Variants in MYO16 observed in about 807,000 individuals in gnomAD.
MYO16 encodes the protein myosin XVI.
A neutral mutation model predicts 205.3 loss-of-function variants in MYO16; 94 were observed. The ratio of observed to expected loss-of-function variants is 0.46; its 90% CI spans 0.39 to 0.54. The LOEUF (loss-of-function observed/expected upper bound fraction) is 0.54, where lower values mean the gene tolerates loss of function less well. Among genes scored for constraint, MYO16 ranks in the 20% least tolerant of loss-of-function variants. MYO16 has a pLI of 0.00. For synonymous variants in MYO16, 988 were observed against 954.0 expected, an observed-to-expected ratio of 1.04 and a Z score of -0.66; for missense variants, 2,315 against 2,387.5, an observed-to-expected ratio of 0.97 and a Z score of 0.63.
At chr13:108,636,845 G>C (rs1880275409) in intron 1 of MYO16, among the ~76,000 whole-genome samples, 1 of 152,120 alleles carries the variant, frequency 6.6e-6, no homozygotes. Flanking sequence ...TAATCTTTAT[G>C]ACACTGTATC....
chr13:108,518,805 T>C, the MYO16 span, among the ~76,000 whole-genome samples: 1,439 of 152,210 alleles, frequency 9.5e-3, 24 homozygotes, highest in African/African-American at 0.033. Context: ...ATTACCTCAT[T>C]AGGACAATTT....
At position 109,140,445 on chromosome 13, in the gene MYO16, C is replaced by T. The variant is rs1182829507; in HGVS notation, c.4233C>T (p.Pro1411=). 4 of 1,549,662 alleles carry T rather than the reference C, an allele frequency of 2.6e-6. No homozygotes were observed. Among genetic ancestry groups the T allele is most frequent in the East Asian group, 2.4e-5 (1 of 40,986 alleles). ...GGGCAGCAGCGCGCGTTCTGACCCC[C>T]GGGACTCCGCAGTGCGCGCTGCCCC... ...APGAAARVLT[P]GTPQCALPPA... is the part of the protein sequence containing the mutation. The change falls in exon 32 of 35, where the codon CCC becomes CCT. Residue 1411 remains proline, a synonymous_variant. Transcript: ENST00000457511. This position sits in a 1 kb window ranked among gnomAD's most constrained non-coding sequence, Gnocchi z 8.0.
chr13:108,901,285 C>T (rs1229676437), intron 15 of MYO16, among the ~76,000 whole-genome samples: 19 of 152,102 alleles, frequency 1.2e-4, no homozygotes, highest in Non-Finnish European at 2.1e-4. Flanking sequence ...CACTCCCTCC[C>T]CTTTTGAAAA....
At chr13:108,758,312 T>G (rs747698398) in intron 4 of MYO16, among the ~76,000 whole-genome samples, 2 of 152,234 alleles carry the variant, frequency 1.3e-5, no homozygotes, top group Non-Finnish European at 2.9e-5. Context: ...AATTTTTGTT[T>G]CCTATAAGTC....
chr13:109,041,751 CTT>C (rs1886890881), intron 23 of MYO16, among the ~76,000 whole-genome samples: 1 of 152,002 alleles, frequency 6.6e-6, no homozygotes, highest in Non-Finnish European at 1.5e-5. Context: ...CAAATCTAAA[CTT>C]ATTTCAAAAT....
chr13:109,169,527 C>T (rs910300536), intron 33 of MYO16, among the ~76,000 whole-genome samples: 1 of 151,522 alleles, frequency 6.6e-6, no homozygotes, highest in Non-Finnish European at 1.5e-5. Flanking sequence ...GAAAAGGGGA[C>T]ATCAATACAG....
At chr13:109,031,706 T>G (rs1430912300) in intron 23 of MYO16, among the ~76,000 whole-genome samples, 1 of 152,156 alleles carries the variant, frequency 6.6e-6, no homozygotes, top group Non-Finnish European at 1.5e-5. Context: ...CCTTAATATT[T>G]TGGGCTTATA....
intron 4 of MYO16, among the ~76,000 whole-genome samples, chr13:108,740,374 G>C (rs1285579047): frequency 2.0e-5 from 3 of 152,166 alleles, no homozygotes; most frequent in African/African-American, 7.2e-5. Context: ...TCAGTTGCAG[G>C]TCTGTTGGAG....
At chr13:108,912,508 A>G (rs558083339) in intron 16 of MYO16, among the ~76,000 whole-genome samples, 2 of 152,192 alleles carry the variant, frequency 1.3e-5, no homozygotes, top group Non-Finnish European at 2.9e-5. Flanking sequence ...ATTTTAAATC[A>G]AATCCCTTTA....
At chr13:108,750,125 G>C (rs946431490) in intron 4 of MYO16, among the ~76,000 whole-genome samples, 1 of 152,226 alleles carries the variant, frequency 6.6e-6, no homozygotes, top group African/African-American at 2.4e-5. Flanking sequence ...GCGAATAGGT[G>C]AATGAAGCTT....
At position 109,125,600 on chromosome 13, in the gene MYO16, C is replaced by A. The variant is rs1452913192; in HGVS notation, c.3782+242C>A. ...TATGTGATGATGACTGCCTCTCCTGCCATGCTTGTGTCACTTAACTACCTC... is the reference window on the plus strand; with the variant it reads ...TATGTGATGATGACTGCCTCTCCTGACATGCTTGTGTCACTTAACTACCTC... On this transcript the variant is annotated intron_variant, in intron 30 of 34. Transcript: ENST00000457511. This position sits in a 1 kb window ranked among gnomAD's most constrained non-coding sequence, Gnocchi z 4.0. Among the ~76,000 whole-genome samples, 1 of 152,204 alleles carries A rather than the reference C, an allele frequency of 6.6e-6. No individual in the cohort carries two copies. The highest frequency in any genetic ancestry group is 2.4e-5 in the African/African-American group (1 of 41,456).
intron 24 of MYO16, among the ~76,000 whole-genome samples, chr13:109,051,077 A>G (rs1887231951): frequency 6.6e-6 from 1 of 152,158 alleles, no homozygotes; most frequent in South Asian, 2.1e-4. Flanking sequence ...GAATCTGAAC[A>G]TTTAAGATGT....
chr13:108,577,835 T>C, the MYO16 span, among the ~76,000 whole-genome samples: 1 of 152,194 alleles, frequency 6.6e-6, no homozygotes, highest in African/African-American at 2.4e-5. Context: ...CATATATTTA[T>C]AAAAATCCCT....
intron 13 of MYO16, among the ~76,000 whole-genome samples, chr13:108,885,987 CT>C (rs1052107997): frequency 3.5e-4 from 52 of 148,342 alleles, no homozygotes; most frequent in Admixed American, 6.7e-4. Context: ...TGCTTTGGGT[CT>C]TTTTTTTTTT....
chr13:108,758,003 T>A (rs1885478844), intron 4 of MYO16, among the ~76,000 whole-genome samples: 1 of 152,108 alleles, frequency 6.6e-6, no homozygotes, highest in African/African-American at 2.4e-5. Flanking sequence ...GAGGTGATAG[T>A]CGTGAGGATA....
At chr13:108,710,730 A>G (rs974374913) in intron 2 of MYO16, among the ~76,000 whole-genome samples, 13 of 152,192 alleles carry the variant, frequency 8.5e-5, no homozygotes, top group Non-Finnish European at 1.6e-4. Flanking sequence ...GATTTCTATT[A>G]TGTATAATTC....
intron 16 of MYO16, among the ~76,000 whole-genome samples, chr13:108,936,523 A>G (rs955388409): frequency 2.0e-5 from 3 of 152,152 alleles, no homozygotes; most frequent in Non-Finnish European, 4.4e-5. Flanking sequence ...AGCTATTTAT[A>G]ACAGTCTGTG....
the MYO16 span, among the ~76,000 whole-genome samples, chr13:108,505,330 G>GT: frequency 3.9e-5 from 6 of 152,160 alleles, no homozygotes; most frequent in South Asian, 2.1e-4. Flanking sequence ...GTTATTTTCT[G>GT]TTTTTTTGTT....
intron 6 of MYO16, among the ~76,000 whole-genome samples, chr13:108,798,800 G>C (rs1306199403): frequency 7.1e-6 from 1 of 140,802 alleles, no homozygotes; most frequent in African/African-American, 2.7e-5. Flanking sequence ...CCGCCTCCCG[G>C]GTTCACGCCA....
Sources: allele counts gnomAD v4.1 joint callset (sites outside exome capture counted in the v4.1 genomes callset), GRCh38; gene constraint gnomAD v4.1.1; non-coding constraint Gnocchi (gnomAD v3.1); transcripts MANE v1.5; gene names NCBI Gene and HGNC (gene_info 2026-07-23, HGNC 2026-07-21).